SEMA3A: variants seen among roughly 807,000 people sequenced by gnomAD.
SEMA3A encodes semaphorin 3A, also known as semaphorin-3A.
In SEMA3A, 29 loss-of-function variants were observed where a neutral mutation model predicts 97.9. That is an observed-to-expected ratio of 0.30 (90% CI 0.22 to 0.40). The LOEUF is 0.40. SEMA3A is among the 10% of genes least tolerant of loss of function. The pLI is 1.00. For missense variants in SEMA3A, 763 were observed against 951.3 expected, an observed-to-expected ratio of 0.80 and a Z score of 2.60; for synonymous variants, 321 against 323.7, an observed-to-expected ratio of 0.99 and a Z score of 0.09.
intron 1 of SEMA3A, among the ~76,000 whole-genome samples, chr7:84,462,558 C>G (rs1001615760): frequency 3.3e-5 from 5 of 152,080 alleles, no homozygotes; most frequent in Admixed American, 3.3e-4. Flanking sequence ...GCTGGTTTCC[C>G]TTAAATCACA....
intron 2 of SEMA3A, among the ~76,000 whole-genome samples, chr7:84,321,313 A>G (rs781703787): frequency 1.4e-4 from 21 of 152,220 alleles, no homozygotes; most frequent in Non-Finnish European, 2.8e-4. Context: ...TTACATTTAC[A>G]TGATTTGTGA....
intron 5 of SEMA3A, among the ~76,000 whole-genome samples, chr7:84,050,729 T>C (rs147117536): frequency 0.048 from 7,317 of 152,242 alleles, 212 homozygotes; most frequent in South Asian, 0.081. Flanking sequence ...TCCCATTTGT[T>C]GATTTTGGCT....
intron 1 of SEMA3A, among the ~76,000 whole-genome samples, chr7:84,150,264 A>G (rs897486727): frequency 1.3e-5 from 2 of 152,234 alleles, no homozygotes; most frequent in Non-Finnish European, 2.9e-5. Context: ...GAACAGCTCC[A>G]GTCTACAGCT....
At chr7:84,474,752 C>G (rs952081976) in intron 1 of SEMA3A, among the ~76,000 whole-genome samples, 2 of 152,014 alleles carry the variant, frequency 1.3e-5, no homozygotes, top group African/African-American at 4.8e-5. Flanking sequence ...TGCTGATGAT[C>G]CTAACACCCT....
At chr7:83,977,606 T>A (rs1789204621) in intron 14 of SEMA3A, among the ~76,000 whole-genome samples, 1 of 151,990 alleles carries the variant, frequency 6.6e-6, no homozygotes, top group Non-Finnish European at 1.5e-5. Context: ...TAAACTTTTT[T>A]TCTGATTATT....
chr7:84,004,181 T>TGGAGAC (rs1790569531), intron 11 of SEMA3A, among the ~76,000 whole-genome samples: 1 of 152,080 alleles, frequency 6.6e-6, no homozygotes, highest in Non-Finnish European at 1.5e-5. Context: ...TAGAAATTTA[T>TGGAGAC]TACCTTGGAA....
intron 1 of SEMA3A, among the ~76,000 whole-genome samples, chr7:84,391,193 C>T (rs1411725418): frequency 6.6e-6 from 1 of 152,142 alleles, no homozygotes; most frequent in African/African-American, 2.4e-5. Context: ...CTAGCAAAGA[C>T]TCAATTATAA....
chr7:83,985,381 A>G lies in SEMA3A; in HGVS notation c.1494+55T>C, dbSNP rs1054059902. On this transcript the variant is annotated intron_variant, in intron 13 of 16. Transcript: ENST00000265362. ...TTTGATAAATAGATATATCTATTGA[A>G]ACACCAGAATTAACAAAATATTGGA... is the stretch of plus-strand genomic sequence containing the variant. 2.4e-6 allele frequency: 3 copies of G among 1,268,860 alleles called. No individual in the cohort carries two copies. The African/African-American group carries it at 4.5e-5, about 19-fold the overall frequency. 78.6% of individuals were successfully genotyped at this position (1,268,860 alleles called of 1,614,324 possible).
At chr7:84,018,439 ATTTT>A (rs1253624950) in intron 6 of SEMA3A, among the ~76,000 whole-genome samples, 1 of 152,144 alleles carries the variant, frequency 6.6e-6, no homozygotes, top group Non-Finnish European at 1.5e-5. Context: ...TTAAGGTAAA[ATTTT>A]TTTGTCTACA....
chr7:84,046,338 G>A lies in SEMA3A; in HGVS notation c.653C>T (p.Ser218Phe), dbSNP rs1476312829. The change falls in exon 6 of 17, where the codon TCC becomes TTC. Residue 218 changes from serine to phenylalanine, a missense_variant. Around this residue, in one of 2 missense-constraint regions of SEMA3A, gnomAD observed 678 missense variants for 881.3 expected, o/e 0.77. Transcript: ENST00000265362. ...HHPIRTEQHDSRWLNDPKFIS... is the reference protein window; with the variant it reads ...HHPIRTEQHDFRWLNDPKFIS... ...AAACCACCTACCATTGAGCCACCTG[G>A]AATCATGCTGCTCTGTCCTGATTGG... 2 of 1,612,860 alleles carry A rather than the reference G, an allele frequency of 1.2e-6. No homozygotes were observed. Among genetic ancestry groups the A allele is most frequent in the East Asian group, 2.2e-5 (1 of 44,868 alleles).
chr7:84,025,732 T>C (rs943515209), intron 6 of SEMA3A, among the ~76,000 whole-genome samples: 2 of 152,124 alleles, frequency 1.3e-5, no homozygotes, highest in African/African-American at 2.4e-5. Flanking sequence ...AAATAATAGA[T>C]ACTGTTTATT....
intron 4 of SEMA3A, among the ~76,000 whole-genome samples, chr7:84,079,282 A>T (rs1200688349): frequency 1.3e-5 from 2 of 151,956 alleles, no homozygotes; most frequent in Non-Finnish European, 2.9e-5. Flanking sequence ...CATTCAGGAC[A>T]TAGGCATGGG....
rs765579368 is a variant in SEMA3A at position 83,963,366 on chromosome 7, A to G, written c.1718-19T>C. The stretch of plus-strand genomic sequence containing the variant: ...TGATTATCTGGCCAGTGATGAGAAA[A>G]TGCAATGAGAAAATATTAGAGAAGT... On this transcript the variant is annotated intron_variant, in intron 15 of 16. Coordinates refer to ENST00000265362, the MANE Select transcript of SEMA3A (RefSeq NM_006080.3). 1.6e-5 allele frequency: 26 copies of G among 1,598,268 alleles called. No individual in the cohort carries two copies. Among genetic ancestry groups the G allele is most frequent in the Non-Finnish European group, 2.1e-5 (24 of 1,170,626 alleles).
intron 1 of SEMA3A, among the ~76,000 whole-genome samples, chr7:84,429,132 G>C (rs967060596): frequency 1.3e-5 from 2 of 151,934 alleles, no homozygotes; most frequent in Non-Finnish European, 2.9e-5. Flanking sequence ...AATTCAGGCT[G>C]AGATCAATTA....
At chr7:84,151,614 T>C (rs1398114659) in intron 1 of SEMA3A, among the ~76,000 whole-genome samples, 3 of 152,154 alleles carry the variant, frequency 2.0e-5, no homozygotes, top group Non-Finnish European at 2.9e-5. Context: ...CTACGTCTGA[T>C]TGGTGTACCT....
At chr7:84,403,200 A>C (rs1047870315) in intron 1 of SEMA3A, among the ~76,000 whole-genome samples, 2 of 152,162 alleles carry the variant, frequency 1.3e-5, no homozygotes, top group African/African-American at 2.4e-5. Flanking sequence ...TCCCACCCTA[A>C]TACTGCGCTT....
intron 9 of SEMA3A, 50 bp downstream of exon 9, chr7:84,010,972 A>G: frequency 7.4e-7 from 1 of 1,352,140 alleles, no homozygotes; most frequent in Non-Finnish European, 1.0e-6. Flanking sequence ...GTACTTGGAT[A>G]GCACCTAAAT....
At chr7:84,051,487 T>C (rs1313628992) in intron 5 of SEMA3A, among the ~76,000 whole-genome samples, 2 of 152,180 alleles carry the variant, frequency 1.3e-5, no homozygotes, top group African/African-American at 4.8e-5. Context: ...GAATGGGAGT[T>C]CACTCATGAT....
At chr7:84,475,874 T>G (rs546055551) in intron 1 of SEMA3A, among the ~76,000 whole-genome samples, 1 of 152,350 alleles carries the variant, frequency 6.6e-6, no homozygotes, top group South Asian at 2.1e-4. Flanking sequence ...TTTTTTGGAC[T>G]GGTTTTGTTG....
Sources: allele counts gnomAD v4.1 joint callset (sites outside exome capture counted in the v4.1 genomes callset), GRCh38; gene constraint gnomAD v4.1.1; regional missense constraint gnomAD v4.1.1; transcripts MANE v1.5; gene names NCBI Gene and HGNC (gene_info 2026-07-23, HGNC 2026-07-21).